MCM6: variants seen among roughly 807,000 people sequenced by gnomAD.
MCM6 encodes the protein DNA replication licensing factor MCM6.
MCM6 carries 46 observed loss-of-function variants against 94.3 expected under a neutral mutation model. The observed-to-expected ratio is 0.49, with a 90% CI of 0.39 to 0.62. The LOEUF is 0.62. Ranked by LOEUF, MCM6 falls within the 20% of genes least tolerant of loss-of-function variation. The probability of loss-of-function intolerance (pLI) is 0.00; values close to 1 mark genes in which losing one functional copy is unlikely to be tolerated. For synonymous variants in MCM6, 335 were observed against 351.9 expected (o/e 0.95, Z 0.54); for missense variants, 865 against 1,017.9 (o/e 0.85, Z 2.04).
chr2:135,876,329 T>TGCCGGCGCCCGGCTCC lies in MCM6; in HGVS notation c.21_36dup (p.Ser13GlyfsTer38). On this transcript the variant is annotated frameshift_variant, in exon 1 of 17. Coordinates refer to ENST00000264156, the MANE Select transcript of MCM6 (RefSeq NM_005915.6). LOFTEE classifies it high-confidence loss of function. ...TCGTCGCGGACCTCCAGGTGCTGGC[T>TGCCGGCGCCCGGCTCC]GCCGGCGCCCGGCTCCGCTGCCGCC... 1 of 1,610,126 alleles carries TGCCGGCGCCCGGCTCC rather than the reference T, an allele frequency of 6.2e-7. No homozygotes were observed. The highest frequency in any genetic ancestry group is 8.5e-7 in the Non-Finnish European group (1 of 1,179,308).
At chr2:135,858,083 G>C in intron 9 of MCM6, 79 bp from the exon 10 acceptor site, 1 of 1,312,518 alleles carries the variant, frequency 7.6e-7, no homozygotes, top group Non-Finnish European at 1.1e-6. Flanking sequence ...CCAGCACTTT[G>C]GGAGGCCAAG....
In MCM6 at chr2:135,848,135, G is replaced by A. The variant is rs1679705272; in HGVS notation, c.1971C>T (p.Ile657=). The A allele has an allele frequency of 6.2e-7, 1 of 1,611,162 alleles. No individual in the cohort carries two copies. The highest frequency in any genetic ancestry group is 1.3e-5 in the African/African-American group (1 of 74,998). Residue 657 remains isoleucine, a synonymous_variant, in exon 14 of 17, where the codon ATC becomes ATT. Transcript: ENST00000264156. The part of the protein sequence containing the change: ...EAFRLLNKSI[I]RVETPDVNLD... ...GATTGACATCAGGTGTTTCCACACG[G>A]ATGATTGATTTATTCAGTAACCGGA...
chr2:135,848,026 A>G (rs1285646969), intron 14 of MCM6, 27 bp downstream of exon 14: 2 of 1,582,316 alleles, frequency 1.3e-6, no homozygotes, highest in Non-Finnish European at 8.7e-7. Flanking sequence ...CCTAACTCCA[A>G]AACAGTCACA....
chr2:135,847,942 G>T (rs1679702138), intron 14 of MCM6, 111 bp downstream of exon 14: 2 of 695,652 alleles, frequency 2.9e-6, no homozygotes, highest in South Asian at 2.3e-5. Flanking sequence ...TGCTTTTTCC[G>T]TTTTGCTACC....
At chr2:135,870,613 C>T (rs218505) in intron 2 of MCM6, among the ~76,000 whole-genome samples, 10,027 of 152,308 alleles carry the variant, frequency 0.066, 893 homozygotes, top group African/African-American at 0.2. Context: ...AATAATCATA[C>T]AGCACCCACA....
chr2:135,866,012 G>T, intron 6 of MCM6, 120 bp downstream of exon 6: 2 of 1,124,028 alleles, frequency 1.8e-6, no homozygotes, highest in Non-Finnish European at 2.5e-6. Flanking sequence ...TGAGATGGTA[G>T]GATCACTTGA....
intron 1 of MCM6, among the ~76,000 whole-genome samples, chr2:135,874,843 T>C (rs1365883199): frequency 6.6e-6 from 1 of 152,160 alleles, no homozygotes; most frequent in Non-Finnish European, 1.5e-5. Flanking sequence ...TTATTTAGCC[T>C]TAAAAAGTAA....
chr2:135,845,611 C>T (rs565559493), intron 15 of MCM6, among the ~76,000 whole-genome samples: 2 of 152,264 alleles, frequency 1.3e-5, no homozygotes, highest in African/African-American at 4.8e-5. Context: ...ATCCTTGGGG[C>T]TTTTAATCAA....
At chr2:135,855,196 T>C (rs930441946) in intron 11 of MCM6, among the ~76,000 whole-genome samples, 35 of 152,320 alleles carry the variant, frequency 2.3e-4, no homozygotes, top group Middle Eastern at 3.4e-3. Flanking sequence ...TAAAAAAATC[T>C]TGAATGTTTT....
intron 4 of MCM6, among the ~76,000 whole-genome samples, chr2:135,867,226 C>G (rs1680108233): frequency 6.6e-6 from 1 of 152,144 alleles, no homozygotes; most frequent in South Asian, 2.1e-4. Context: ...GCATTCATCT[C>G]TAAGAATAAA....
chr2:135,872,990 C>T (rs1680230110), intron 1 of MCM6, 147 bp from the exon 2 acceptor site: 1 of 920,654 alleles, frequency 1.1e-6, no homozygotes, highest in Admixed American at 2.6e-5. Flanking sequence ...AGTTACTCCT[C>T]CCTTCTGATA....
chr2:135,865,466 A>G (rs1283153627), intron 6 of MCM6, among the ~76,000 whole-genome samples: 1 of 152,208 alleles, frequency 6.6e-6, no homozygotes, highest in Non-Finnish European at 1.5e-5. Flanking sequence ...AGAGAATATT[A>G]TGTTCACTCC....
chr2:135,867,519 AAAT>A (rs1367598407), intron 4 of MCM6, among the ~76,000 whole-genome samples: 3 of 152,208 alleles, frequency 2.0e-5, no homozygotes, highest in Non-Finnish European at 4.4e-5. Flanking sequence ...AGAGCAATAT[AAAT>A]AATATTAAAT....
intron 2 of MCM6, among the ~76,000 whole-genome samples, chr2:135,870,849 G>A (rs1680187276): frequency 6.6e-6 from 1 of 152,170 alleles, no homozygotes; most frequent in Non-Finnish European, 1.5e-5. Context: ...CTAGGCTCAG[G>A]TGATCCTCCC....
At chr2:135,859,734 C>T (rs1458240812) in intron 8 of MCM6, among the ~76,000 whole-genome samples, 1 of 152,042 alleles carries the variant, frequency 6.6e-6, no homozygotes, top group African/African-American at 2.4e-5. Context: ...TCCCGAGTAG[C>T]TAGGATTACA....
At chr2:135,865,847 G>A (rs1173216263) in intron 6 of MCM6, among the ~76,000 whole-genome samples, 2 of 152,092 alleles carry the variant, frequency 1.3e-5, no homozygotes, top group Admixed American at 1.3e-4. Context: ...CTATCATTTC[G>A]TGGCAGCTCA....
At position 135,876,259 on chromosome 2, in the gene MCM6, T is replaced by C; in HGVS notation, c.107A>G (p.Glu36Gly). Residue 36 changes from glutamate to glycine, a missense_variant and splice_region_variant, in exon 1 of 17, where the codon GAG becomes GGG. Around this residue, in one of 3 missense-constraint regions of MCM6, gnomAD observed 404 missense variants for 451.9 expected, o/e 0.89. Transcript: ENST00000264156. Reference protein sequence around the residue: ...CQKLFLDFLEEFQSSDGEIKY... With the variant: ...CQKLFLDFLEGFQSSDGEIKY... ...AGGCCCGGGGCGCTCGCCGACTTAC[T>C]CCTCCAAGAAGTCCAGGAACAGTTT... 6.3e-7 allele frequency: 1 copy of C among 1,596,676 alleles called. No homozygotes were observed. The highest frequency in any genetic ancestry group is 8.5e-7 in the Non-Finnish European group (1 of 1,174,726).
chr2:135,872,579 G>T, intron 2 of MCM6, 118 bp downstream of exon 2: 1 of 1,072,336 alleles, frequency 9.3e-7, no homozygotes, highest in Non-Finnish European at 1.4e-6. Flanking sequence ...TCTTCTCAGT[G>T]GGAAATAACT....
At chr2:135,860,875 A>G (rs1679978723) in intron 8 of MCM6, among the ~76,000 whole-genome samples, 1 of 152,178 alleles carries the variant, frequency 6.6e-6, no homozygotes, top group South Asian at 2.1e-4. Context: ...GATGGCTCTA[A>G]TCAAGGACAA....
Sources: gnomAD v4.1 joint callset for allele counts (sites outside exome capture counted in the v4.1 genomes callset) on GRCh38, gnomAD v4.1.1 for gene constraint, gnomAD v4.1.1 regional missense constraint, MANE v1.5 for transcripts, NCBI Gene and HGNC (gene_info 2026-07-23, HGNC 2026-07-21) for gene names.